SGCG: variants seen among roughly 807,000 people sequenced by gnomAD.
SGCG encodes sarcoglycan gamma, also known as gamma-sarcoglycan.
Under a neutral mutation model 29.3 loss-of-function variants are expected in SGCG, and 26 were observed. The observed-to-expected ratio is 0.89, with a 90% CI of 0.65 to 1.23. SGCG has a LOEUF of 1.23. Ranked by LOEUF, SGCG falls within the 50% of genes most tolerant of loss-of-function variation. The pLI, the probability that SGCG is intolerant of heterozygous loss-of-function variation, is 0.00. For synonymous variants in SGCG, 145 were observed against 129.7 expected (o/e 1.12, Z -0.80); for missense variants, 353 against 356.0 (o/e 0.99, Z 0.07).
intron 6 of SGCG, among the ~76,000 whole-genome samples, chr13:23,300,789 C>T (rs1239780231): frequency 6.9e-6 from 1 of 144,348 alleles, no homozygotes; most frequent in African/African-American, 2.6e-5. Context: ...GAAAACAATA[C>T]CTGCTAATGA....
At chr13:23,185,196 G>T (rs1876920962) in intron 1 of SGCG, among the ~76,000 whole-genome samples, 1 of 152,098 alleles carries the variant, frequency 6.6e-6, no homozygotes, top group East Asian at 1.9e-4. Flanking sequence ...AGATAAAGTT[G>T]AATGGTATTC....
Position 23,293,754 on chromosome 13 carries a change from C to T in SGCG, c.506-1661C>T, listed in dbSNP as rs1881803167. Among the ~76,000 whole-genome samples, 3 of 151,552 alleles carry T rather than the reference C, an allele frequency of 2.0e-5. No homozygotes were observed. In the South Asian group the frequency reaches 6.2e-4, roughly 31 times the overall value. On this transcript the variant is annotated intron_variant, in intron 5 of 7. Transcript: ENST00000218867. Reference sequence around the variant, plus strand: ...GGCTGAGGCAGGAGAATTGCTTGAACTGGGAGGCGGAGATTGCAGTGAGCG... The same window carrying T: ...GGCTGAGGCAGGAGAATTGCTTGAATTGGGAGGCGGAGATTGCAGTGAGCG...
chr13:23,304,069 T>C (rs1882274772), intron 6 of SGCG, among the ~76,000 whole-genome samples: 1 of 152,200 alleles, frequency 6.6e-6, no homozygotes, highest in Admixed American at 6.5e-5. Flanking sequence ...GAATTGTTTG[T>C]CTTTTTCTAC....
Position 23,304,779 on chromosome 13 carries a change from T to TTTTG in SGCG, c.578+9316_578+9319dup, listed in dbSNP as rs544180005. ...CCATCATGCATGGCTAATTTTTGTA[T>TTTTG]TTTGTTTGTTTGTTTGTTTGTTTGT... On this transcript the variant is annotated intron_variant, in intron 6 of 7. Transcript: ENST00000218867. 2.4e-3 allele frequency among the ~76,000 whole-genome samples: 369 copies of TTTTG among 152,134 alleles called. 2 individuals carry two copies. The highest frequency in any genetic ancestry group is 7.9e-3 in the African/African-American group (329 of 41,500).
rs146888286 is a variant in SGCG at position 23,304,097 on chromosome 13, C to CCTCTCAAT, written c.578+8611_578+8618dup. 4.4e-3 allele frequency among the ~76,000 whole-genome samples: 662 copies of CCTCTCAAT among 152,168 alleles called. 6 individuals are homozygous for CCTCTCAAT. Among genetic ancestry groups the CCTCTCAAT allele is most frequent in the African/African-American group, 0.015 (611 of 41,510 alleles). On this transcript the variant is annotated intron_variant, in intron 6 of 7. Coordinates refer to ENST00000218867, the MANE Select transcript of SGCG (RefSeq NM_000231.3). ...TTTTCTACTTTTTAAAAATACTTTT[C>CCTCTCAAT]CTCTCAATTTTTAAGACTTCTTTAA...
chr13:23,253,174 G>A (rs1296512221), intron 4 of SGCG, among the ~76,000 whole-genome samples: 1 of 152,154 alleles, frequency 6.6e-6, no homozygotes, highest in African/African-American at 2.4e-5. Flanking sequence ...TTAAGCCTAG[G>A]AGTTCAGGGC....
intron 6 of SGCG, among the ~76,000 whole-genome samples, chr13:23,299,411 TATATATATATATATA>T (rs1566037302): frequency 0.51 from 16,793 of 32,714 alleles, 4,309 homozygotes; most frequent in East Asian, 0.69. Context: ...AGTTGGCATA[TATATATATATATATA>T]TATATATATA....
intron 2 of SGCG, among the ~76,000 whole-genome samples, chr13:23,230,627 T>C (rs1303164272): frequency 6.6e-6 from 1 of 152,210 alleles, no homozygotes; most frequent in East Asian, 1.9e-4. Flanking sequence ...TTTTTGTACA[T>C]TGATTTTGTA....
chr13:23,287,222 T>A (rs1881529274), intron 5 of SGCG, among the ~76,000 whole-genome samples: 2 of 152,198 alleles, frequency 1.3e-5, no homozygotes, highest in Non-Finnish European at 2.9e-5. Flanking sequence ...GAGAGGTTAA[T>A]CTGGCTGGTA....
intron 5 of SGCG, among the ~76,000 whole-genome samples, chr13:23,295,202 A>G (rs989984929): frequency 3.3e-5 from 5 of 152,220 alleles, no homozygotes; most frequent in Non-Finnish European, 7.3e-5. Flanking sequence ...TGAAAAACAT[A>G]TTTTGTTTAT....
At chr13:23,192,036 G>A (rs1468505572) in intron 1 of SGCG, among the ~76,000 whole-genome samples, 15 of 151,970 alleles carry the variant, frequency 9.9e-5, no homozygotes, top group African/African-American at 2.9e-4. Context: ...TAAGCCGGGC[G>A]TGGTGGCGGG....
chr13:23,315,851 C>T (rs71429837), intron 6 of SGCG, among the ~76,000 whole-genome samples: 28,941 of 152,008 alleles, frequency 0.19, 3,342 homozygotes, highest in Non-Finnish European at 0.25. Flanking sequence ...TCTGAGTGGT[C>T]AAAAAATGTG....
At chr13:23,314,164 G>A (rs1194306363) in intron 6 of SGCG, among the ~76,000 whole-genome samples, 1 of 142,614 alleles carries the variant, frequency 7.0e-6, no homozygotes, top group African/African-American at 2.5e-5. Flanking sequence ...TATATATATA[G>A]AGTTTTGAAC....
At chr13:23,252,202 A>G (rs1212824882) in intron 4 of SGCG, among the ~76,000 whole-genome samples, 1 of 152,104 alleles carries the variant, frequency 6.6e-6, no homozygotes, top group Non-Finnish European at 1.5e-5. Flanking sequence ...CTTTACCATC[A>G]TTTCTTGAAA....
chr13:23,205,193 A>G (rs1877939897), intron 2 of SGCG, among the ~76,000 whole-genome samples: 1 of 152,224 alleles, frequency 6.6e-6, no homozygotes, highest in Non-Finnish European at 1.5e-5. Context: ...GCATCACAAT[A>G]GTACTTAGTT....
intron 1 of SGCG, among the ~76,000 whole-genome samples, chr13:23,184,591 T>C (rs748069488): frequency 1.7e-4 from 26 of 152,228 alleles, no homozygotes; most frequent in Non-Finnish European, 3.5e-4. Flanking sequence ...ACAGGATAAA[T>C]GGTACTGCAA....
At chr13:23,177,736 TA>T (rs1338823736), upstream of SGCG, among the ~76,000 whole-genome samples, 1 of 69,450 alleles carries the variant, frequency 1.4e-5, no homozygotes, top group Admixed American at 1.2e-4. Context: ...CATGTCCGGC[TA>T]TTTTTTTTTT....
chr13:23,311,194 G>C (rs1882587212), intron 6 of SGCG, among the ~76,000 whole-genome samples: 1 of 152,124 alleles, frequency 6.6e-6, no homozygotes, highest in Non-Finnish European at 1.5e-5. Flanking sequence ...TTACTCATTA[G>C]TGCACTTTTG....
At chr13:23,248,687 C>G (rs879532703) in intron 3 of SGCG, among the ~76,000 whole-genome samples, 3 of 146,248 alleles carry the variant, frequency 2.1e-5, no homozygotes, top group Non-Finnish European at 1.5e-5. Flanking sequence ...GAACTAGACT[C>G]CGTCTCAAAA....
Sources: allele counts gnomAD v4.1 joint callset (sites outside exome capture counted in the v4.1 genomes callset), GRCh38; gene constraint gnomAD v4.1.1; transcripts MANE v1.5; gene names NCBI Gene and HGNC (gene_info 2026-07-23, HGNC 2026-07-21).